The following SVOPL variants were observed in gnomAD, a reference collection of about 807,000 sequenced individuals.
SVOPL encodes the protein putative transporter SVOPL.
SVOPL carries 60 observed loss-of-function variants against 61.0 expected under a neutral mutation model. The ratio of observed to expected loss-of-function variants is 0.98; its 90% confidence interval spans 0.80 to 1.22. The LOEUF (loss-of-function observed/expected upper bound fraction) is 1.22. Ranked by LOEUF, SVOPL falls within the 50% of genes most tolerant of loss-of-function variation. The pLI is 0.00. For missense variants in SVOPL, 662 were observed against 643.9 expected (o/e 1.03, Z -0.30); for synonymous variants, 279 against 250.0 (o/e 1.12, Z -1.09).
chr7:138,682,616 A>G (rs765043046), intron 1 of SVOPL, among the ~76,000 whole-genome samples: 2 of 152,190 alleles, frequency 1.3e-5, no homozygotes, highest in Non-Finnish European at 2.9e-5. Flanking sequence ...CATCAAATCA[A>G]AAATGGACCT....
At chr7:138,675,344 CTTTATTT>C (rs1262985996) in intron 3 of SVOPL, among the ~76,000 whole-genome samples, 1 of 152,022 alleles carries the variant, frequency 6.6e-6, no homozygotes, top group African/African-American at 2.4e-5. Context: ...TCACACAACC[CTTTATTT>C]TTTATTTTAT....
intron 7 of SVOPL, among the ~76,000 whole-genome samples, chr7:138,652,773 C>T (rs368853544): frequency 3.3e-5 from 5 of 152,010 alleles, no homozygotes; most frequent in South Asian, 4.2e-4. Context: ...TACAGGTGCA[C>T]GCCACCACAC....
Position 138,680,256 on chromosome 7 carries a change from G to A in SVOPL, c.-34-1177C>T, listed in dbSNP as rs34902865. Among the ~76,000 whole-genome samples, 1,025 of 144,082 alleles carry A rather than the reference G, an allele frequency of 7.1e-3. 8 individuals carry two copies. The highest frequency in any genetic ancestry group is 0.014 in the Admixed American group (187 of 13,658). The allele number at this position is 144,082 out of a possible 152,430, so 94.5% of individuals were successfully genotyped here. ...ACGATCTCGGCTCACTGCAACCTCC[G>A]CCTACTGGTTCAAGAAATTCTCCTC... On this transcript the variant is annotated intron_variant, in intron 1 of 15. Transcript: ENST00000674285.
intron 14 of SVOPL, among the ~76,000 whole-genome samples, chr7:138,600,204 G>T (rs549145334): frequency 6.6e-6 from 1 of 152,134 alleles, no homozygotes; most frequent in Non-Finnish European, 1.5e-5. Flanking sequence ...AAAATATGAC[G>T]ATAGTAAATG....
At chr7:138,614,392 C>CTT (rs528123598) in intron 14 of SVOPL, among the ~76,000 whole-genome samples, 24 of 137,922 alleles carry the variant, frequency 1.7e-4, no homozygotes, top group South Asian at 9.5e-4. Flanking sequence ...AGCATTTCAA[C>CTT]TTTTTTTTTT....
At chr7:138,618,907 A>G (rs534845315) in intron 14 of SVOPL, among the ~76,000 whole-genome samples, 1 of 152,326 alleles carries the variant, frequency 6.6e-6, no homozygotes, top group South Asian at 2.1e-4. Context: ...ACAGGAGGCT[A>G]AACAGAGCAG....
chr7:138,684,186 G>A (rs1052773609), intron 1 of SVOPL, among the ~76,000 whole-genome samples: 5 of 151,660 alleles, frequency 3.3e-5, no homozygotes, highest in African/African-American at 1.2e-4. Context: ...CCAACATGGT[G>A]AAACCCCATC....
intron 14 of SVOPL, among the ~76,000 whole-genome samples, chr7:138,617,589 C>T (rs1053269658): frequency 2.6e-5 from 4 of 152,134 alleles, no homozygotes; most frequent in African/African-American, 7.2e-5. Flanking sequence ...CGGTTCACAC[C>T]TGTAATCCCA....
intron 4 of SVOPL, among the ~76,000 whole-genome samples, chr7:138,665,981 G>A (rs964128431): frequency 3.9e-5 from 6 of 152,192 alleles, no homozygotes; most frequent in African/African-American, 1.4e-4. Context: ...CTCAAGGCCA[G>A]CCTGAGCAAC....
In SVOPL at chr7:138,647,709, G is replaced by A. The variant is rs1024391630; in HGVS notation, c.660+1303C>T. Among the ~76,000 whole-genome samples the A allele has an allele frequency of 1.1e-4, 16 of 151,854 alleles. 1 individual carries two copies. Among genetic ancestry groups the A allele is most frequent in the Non-Finnish European group, 1.0e-4 (7 of 67,972 alleles). Reference sequence around the variant, plus strand: ...ACTAAAATACAAAAATTAGTCGGGCGTGGTGGTGCAAGCCTGCAACCCCAG... The same window carrying A: ...ACTAAAATACAAAAATTAGTCGGGCATGGTGGTGCAAGCCTGCAACCCCAG... On this transcript the variant is annotated intron_variant, in intron 8 of 15. Coordinates refer to ENST00000674285, the MANE Select transcript of SVOPL (RefSeq NM_001139456.2).
At chr7:138,652,844 G>C (rs564253410) in intron 7 of SVOPL, among the ~76,000 whole-genome samples, 2 of 151,708 alleles carry the variant, frequency 1.3e-5, no homozygotes, top group African/African-American at 4.8e-5. Context: ...CAGGCTGGTC[G>C]TGAACCCCTG....
At chr7:138,691,102 T>C (rs912125190) in intron 1 of SVOPL, among the ~76,000 whole-genome samples, 12 of 152,132 alleles carry the variant, frequency 7.9e-5, no homozygotes, top group African/African-American at 2.9e-4. Flanking sequence ...AATGGTGACT[T>C]TTATGTAGGT....
At chr7:138,683,383 T>C (rs1802739639) in intron 1 of SVOPL, among the ~76,000 whole-genome samples, 3 of 152,098 alleles carry the variant, frequency 2.0e-5, no homozygotes, top group Non-Finnish European at 4.4e-5. Flanking sequence ...CTGGGGTTTT[T>C]TTGAGATGGA....
At chr7:138,697,253 A>G (rs1803082338) in intron 1 of SVOPL, among the ~76,000 whole-genome samples, 1 of 152,122 alleles carries the variant, frequency 6.6e-6, no homozygotes, top group Non-Finnish European at 1.5e-5. Flanking sequence ...AAAAATTTAC[A>G]ATGGCAAATT....
intron 14 of SVOPL, among the ~76,000 whole-genome samples, chr7:138,605,965 T>C (rs1798738069): frequency 6.6e-6 from 1 of 151,532 alleles, no homozygotes; most frequent in Non-Finnish European, 1.5e-5. Flanking sequence ...TTCAGTAAAA[T>C]AGTTGAATAC....
At chr7:138,622,074 CTATCTATCTATCTATG>C (rs1799637413) in intron 13 of SVOPL, among the ~76,000 whole-genome samples, 9 of 24,648 alleles carry the variant, frequency 3.7e-4, no homozygotes, top group Admixed American at 9.2e-4. Flanking sequence ...ATCTATGTAT[CTATCTATCTATCTATG>C]TATCTATCTA....
At chr7:138,660,198 C>T in intron 5 of SVOPL, 1 of 1,319,412 alleles carries the variant, frequency 7.6e-7, no homozygotes, top group South Asian at 1.7e-5. Context: ...CAAGTTCAGA[C>T]CATTCTTTAA....
At chr7:138,604,091 G>T (rs1563081843) in intron 14 of SVOPL, among the ~76,000 whole-genome samples, 1 of 150,438 alleles carries the variant, frequency 6.6e-6, no homozygotes. Flanking sequence ...AGCCTCTCAA[G>T]TAGCTGGGAC....
At chr7:138,685,771 C>G (rs1416938296) in intron 1 of SVOPL, among the ~76,000 whole-genome samples, 3 of 151,904 alleles carry the variant, frequency 2.0e-5, no homozygotes, top group African/African-American at 7.3e-5. Context: ...ACTCAGGAGC[C>G]TGAGGCAGGA....
Sources: allele counts gnomAD v4.1 joint callset (sites outside exome capture counted in the v4.1 genomes callset), GRCh38; gene constraint gnomAD v4.1.1; transcripts MANE v1.5; gene names NCBI Gene and HGNC (gene_info 2026-07-23, HGNC 2026-07-21).